SHC3: variants seen among roughly 807,000 people sequenced by gnomAD.
The protein encoded by SHC3 is SHC adaptor protein 3.
In SHC3, 15 loss-of-function variants were observed where a neutral mutation model predicts 60.4. That is an observed-to-expected ratio of 0.25 (90% CI 0.17 to 0.38). SHC3 has a LOEUF of 0.38. Ranked by LOEUF, SHC3 falls within the 10% of genes least tolerant of loss-of-function variation. SHC3 has a pLI of 1.00. For missense variants in SHC3, 677 were observed against 786.1 expected (o/e 0.86, Z 1.66); for synonymous variants, 294 against 325.9 (o/e 0.90, Z 1.05).
chr9:89,026,757 G>T (rs1826312513), intron 11 of SHC3, among the ~76,000 whole-genome samples: 1 of 152,172 alleles, frequency 6.6e-6, no homozygotes, highest in South Asian at 2.1e-4. Flanking sequence ...CAACCCCTTT[G>T]CCTGGGCGAG....
chr9:89,140,910 GA>G (rs1482807041), intron 1 of SHC3, among the ~76,000 whole-genome samples: 1 of 152,064 alleles, frequency 6.6e-6, no homozygotes, highest in Non-Finnish European at 1.5e-5. Flanking sequence ...TCAAGAAGGG[GA>G]AAAAGATAAA....
Position 89,153,978 on chromosome 9 carries a change from G to A in SHC3, c.474+24009C>T, listed in dbSNP as rs537864344. Among the ~76,000 whole-genome samples the A allele has an allele frequency of 2.6e-4, 39 of 152,184 alleles. No individual in the cohort carries two copies. In the South Asian group the frequency reaches 5.8e-3, roughly 23 times the overall value. ...ACGACCTTATAAACAGAGTGCTGCC[G>A]TTACACCCATTTTACAGATAAAGAA... On this transcript the variant is annotated intron_variant, in intron 1 of 11. Coordinates refer to ENST00000375835, the MANE Select transcript of SHC3 (RefSeq NM_016848.6).
In SHC3 at chr9:89,038,031, G is replaced by A; in HGVS notation, c.1618C>T (p.Gln540Ter). The A allele has an allele frequency of 6.2e-7, 1 of 1,612,746 alleles. No individual in the cohort carries two copies. The highest frequency in any genetic ancestry group is 8.5e-7 in the Non-Finnish European group (1 of 1,180,030). Residue 540 changes from glutamine to a stop codon, truncating the protein, a stop_gained, in exon 11 of 12, where the codon CAG (glutamine) becomes TAG (stop). Transcript: ENST00000375835. LOFTEE classifies it high-confidence loss of function. ...SFVLTGMHNG[Q>*]AKHLLLVDPE... The stretch of plus-strand genomic sequence containing the variant: ...TCCACGAGCAGCAGGTGCTTGGCCT[G>A]GCCATTGTGCATGCCCGTGAGGACA...
chr9:89,076,189 A>C (rs1429295548), intron 3 of SHC3, among the ~76,000 whole-genome samples: 1 of 152,040 alleles, frequency 6.6e-6, no homozygotes, highest in East Asian at 1.9e-4. Flanking sequence ...CTTCGTTCTC[A>C]GTTGCCGTCC....
Position 89,022,976 on chromosome 9 carries a change from A to G in SHC3, c.1657-9401T>C, listed in dbSNP as rs138256644. Among the ~76,000 whole-genome samples, 705 of 152,304 alleles carry G rather than the reference A, an allele frequency of 4.6e-3. 8 individuals carry two copies. The highest frequency in any genetic ancestry group is 0.016 in the African/African-American group (675 of 41,564). On this transcript the variant is annotated intron_variant, in intron 11 of 11. Transcript: ENST00000375835. ...CTTTTGCTCAAATTCTTCTAAATCA[A>G]GAAGACAAGAACTGAGGTCTCACAA...
chr9:89,113,504 G>T (rs910452860), intron 1 of SHC3, among the ~76,000 whole-genome samples: 3 of 151,988 alleles, frequency 2.0e-5, no homozygotes, highest in Admixed American at 6.6e-5. Flanking sequence ...AAGAAAAAAA[G>T]AAAAAACTGC....
chr9:89,083,467 T>C (rs116091212), intron 2 of SHC3, among the ~76,000 whole-genome samples: 2,036 of 152,194 alleles, frequency 0.013, 20 homozygotes, highest in South Asian at 0.034. Flanking sequence ...CTGATTCAGG[T>C]CTTAGAGGCA....
chr9:89,135,073 T>C (rs530983590), intron 1 of SHC3, among the ~76,000 whole-genome samples: 3 of 152,180 alleles, frequency 2.0e-5, no homozygotes, highest in Non-Finnish European at 4.4e-5. Context: ...TCTTAATTTA[T>C]GGCAATATAA....
intron 1 of SHC3, among the ~76,000 whole-genome samples, chr9:89,162,814 A>G (rs1400419787): frequency 6.7e-6 from 1 of 148,382 alleles, no homozygotes; most frequent in Non-Finnish European, 1.5e-5. Flanking sequence ...GCAACCTACA[A>G]AATGGGAGAA....
chr9:89,016,660 C>T (rs1186635005), intron 11 of SHC3, among the ~76,000 whole-genome samples: 2 of 152,142 alleles, frequency 1.3e-5, no homozygotes, highest in African/African-American at 2.4e-5. Context: ...GAACATAATT[C>T]CTCATTCTAT....
intron 11 of SHC3, among the ~76,000 whole-genome samples, chr9:89,018,121 C>T (rs1826127462): frequency 6.6e-6 from 1 of 152,156 alleles, no homozygotes; most frequent in Non-Finnish European, 1.5e-5. Flanking sequence ...TACCATTTGA[C>T]CCAGCAATTC....
In SHC3 at chr9:89,126,560, C is replaced by T. The variant is rs539456254; in HGVS notation, c.475-13934G>A. On this transcript the variant is annotated intron_variant, in intron 1 of 11. Transcript: ENST00000375835. ...ATGGAACTGCTGGAAAAGATCTCTT[C>T]GCTATGGACAAGTTGCCTCCTGAAC... is the stretch of plus-strand genomic sequence containing the variant. Among the ~76,000 whole-genome samples the T allele has an allele frequency of 2.7e-4, 41 of 152,314 alleles. 1 individual carries two copies. In the Middle Eastern group the frequency reaches 0.014, roughly 51 times the overall value.
intron 11 of SHC3, among the ~76,000 whole-genome samples, chr9:89,023,128 A>T (rs1826233386): frequency 6.6e-6 from 1 of 152,204 alleles, no homozygotes; most frequent in Non-Finnish European, 1.5e-5. Flanking sequence ...GCGAACACTC[A>T]GGGAGAGAGG....
chr9:89,094,199 G>C (rs1825667582), intron 2 of SHC3, among the ~76,000 whole-genome samples: 2 of 152,122 alleles, frequency 1.3e-5, no homozygotes. Flanking sequence ...AAAACACGAG[G>C]CAGCAGGCTT....
intron 2 of SHC3, among the ~76,000 whole-genome samples, chr9:89,103,241 G>GC (rs1825808906): frequency 7.0e-6 from 1 of 142,418 alleles, no homozygotes; most frequent in Non-Finnish European, 1.5e-5. Context: ...AGAGAGACGG[G>GC]AAAAAGAGAA....
chr9:89,034,071 G>A (rs1824533554), intron 11 of SHC3, among the ~76,000 whole-genome samples: 1 of 152,170 alleles, frequency 6.6e-6, no homozygotes, highest in Admixed American at 6.5e-5. Context: ...GTGAAGTAGA[G>A]TTTATGACAG....
Position 89,035,850 on chromosome 9 carries a change from G to GGTGT in SHC3, c.1656+2142_1656+2143insACAC, listed in dbSNP as rs1824565345. On this transcript the variant is annotated intron_variant, in intron 11 of 11. Coordinates refer to ENST00000375835, the MANE Select transcript of SHC3 (RefSeq NM_016848.6). Reference sequence around the variant, plus strand: ...AACAAAATATATATATATATATATAGATGTGTGTGTGTGTGTGTGTGTGTG... The same window carrying GGTGT: ...AACAAAATATATATATATATATATAGGTGTATGTGTGTGTGTGTGTGTGTGTGTG... Among the ~76,000 whole-genome samples the GGTGT allele has an allele frequency of 2.0e-5, 2 of 102,466 alleles. 1 individual carries two copies. The highest frequency in any genetic ancestry group is 7.0e-4 in the South Asian group (2 of 2,840). The allele number at this position is 102,466 out of a possible 152,430, so 67.2% of individuals were successfully genotyped here.
intron 2 of SHC3, among the ~76,000 whole-genome samples, chr9:89,087,125 C>T (rs1825543623): frequency 6.6e-6 from 1 of 152,174 alleles, no homozygotes; most frequent in Admixed American, 6.5e-5. Flanking sequence ...CACAAACCCT[C>T]AGGAAGTCCA....
intron 6 of SHC3, among the ~76,000 whole-genome samples, chr9:89,052,566 C>T (rs1314024071): frequency 6.6e-6 from 1 of 152,120 alleles, no homozygotes; most frequent in Non-Finnish European, 1.5e-5. Flanking sequence ...ACCCATGAGG[C>T]CTTAAAAAAT....
Sources: allele counts gnomAD v4.1 joint callset (sites outside exome capture counted in the v4.1 genomes callset), GRCh38; gene constraint gnomAD v4.1.1; transcripts MANE v1.5; gene names NCBI Gene and HGNC (gene_info 2026-07-23, HGNC 2026-07-21).